FHIT: variants seen among roughly 807,000 people sequenced by gnomAD.
FHIT encodes the protein fragile histidine triad diadenosine triphosphatase.
In FHIT, 19 loss-of-function variants were observed where a neutral mutation model predicts 17.9. The observed-to-expected ratio is 1.06, with a 90% CI of 0.74 to 1.56. The LOEUF (loss-of-function observed/expected upper bound fraction) is 1.56. Among genes scored for constraint, FHIT ranks in the 40% most tolerant of loss-of-function variants. The pLI, the probability that FHIT is intolerant of heterozygous loss-of-function variation, is 0.00. For synonymous variants in FHIT, 81 were observed against 69.7 expected, an observed-to-expected ratio of 1.16 and a Z score of -0.81; for missense variants, 248 against 189.2, an observed-to-expected ratio of 1.31 and a Z score of -1.82.
At chr3:60,271,191 G>C (rs1706851573) in intron 5 of FHIT, among the ~76,000 whole-genome samples, 1 of 152,066 alleles carries the variant, frequency 6.6e-6, no homozygotes, top group Non-Finnish European at 1.5e-5. Context: ...CTTGAGCTCA[G>C]GAGTTCAAGA....
At chr3:60,439,575 T>C (rs1054483162) in intron 5 of FHIT, among the ~76,000 whole-genome samples, 5 of 150,400 alleles carry the variant, frequency 3.3e-5, no homozygotes, top group Admixed American at 3.3e-4. Context: ...CAGTCAGTGA[T>C]TCCTGGTCTC....
intron 3 of FHIT, among the ~76,000 whole-genome samples, chr3:60,849,491 C>T (rs1212295011): frequency 2.1e-5 from 3 of 140,406 alleles, no homozygotes; most frequent in Non-Finnish European, 4.6e-5. Context: ...AAAAATAAAG[C>T]CAAATATCTA....
At chr3:60,416,647 C>T (rs1339186226) in intron 5 of FHIT, among the ~76,000 whole-genome samples, 2 of 151,986 alleles carry the variant, frequency 1.3e-5, no homozygotes, top group African/African-American at 4.8e-5. Context: ...AATGTAAAAA[C>T]ATTTCTTAGC....
At chr3:60,891,071 T>A (rs1553760566) in intron 3 of FHIT, among the ~76,000 whole-genome samples, 1 of 152,162 alleles carries the variant, frequency 6.6e-6, no homozygotes, top group Non-Finnish European at 1.5e-5. Context: ...CACTATACAG[T>A]GATGTTGTGG....
chr3:59,780,122 C>T (rs1419248112), intron 8 of FHIT, among the ~76,000 whole-genome samples: 3 of 152,284 alleles, frequency 2.0e-5, no homozygotes, highest in Admixed American at 1.3e-4. Flanking sequence ...TGGATTTTCT[C>T]AGGATCCCTG....
chr3:60,089,999 G>C (rs983317033), intron 5 of FHIT, among the ~76,000 whole-genome samples: 2 of 152,134 alleles, frequency 1.3e-5, no homozygotes, highest in South Asian at 4.2e-4. Flanking sequence ...AGTGCTTACT[G>C]TGTTCCAGGC....
intron 5 of FHIT, among the ~76,000 whole-genome samples, chr3:60,196,895 CA>C (rs1244799604): frequency 6.6e-6 from 1 of 151,448 alleles, no homozygotes; most frequent in African/African-American, 2.4e-5. Flanking sequence ...TTTGTGTGGG[CA>C]AAAAGCCGTA....
intron 5 of FHIT, among the ~76,000 whole-genome samples, chr3:60,373,084 G>A (rs948082603): frequency 3.9e-5 from 6 of 152,114 alleles, no homozygotes; most frequent in Non-Finnish European, 8.8e-5. Flanking sequence ...AGACAATATT[G>A]GGTGATGGAC....
intron 5 of FHIT, among the ~76,000 whole-genome samples, chr3:60,306,208 G>A (rs781488600): frequency 2.0e-5 from 3 of 152,052 alleles, no homozygotes; most frequent in Non-Finnish European, 4.4e-5. Context: ...TCTGACTTTT[G>A]ATTAGAACTA....
intron 4 of FHIT, among the ~76,000 whole-genome samples, chr3:60,564,565 G>T (rs2037065755): frequency 6.6e-6 from 1 of 152,110 alleles, no homozygotes; most frequent in South Asian, 2.1e-4. Flanking sequence ...ATGCATGGGA[G>T]GTCAACATGA....
intron 5 of FHIT, among the ~76,000 whole-genome samples, chr3:60,525,406 A>C (rs2035535136): frequency 6.6e-6 from 1 of 152,194 alleles, no homozygotes; most frequent in Non-Finnish European, 1.5e-5. Flanking sequence ...AATTGAAGGG[A>C]TCACACCCTA....
intron 5 of FHIT, among the ~76,000 whole-genome samples, chr3:60,373,378 C>T (rs1275454877): frequency 2.0e-5 from 3 of 152,032 alleles, no homozygotes; most frequent in South Asian, 2.1e-4. Context: ...GCATCAAATG[C>T]GAAGGTTGCC....
intron 5 of FHIT, among the ~76,000 whole-genome samples, chr3:60,084,227 C>G (rs1368024573): frequency 6.6e-6 from 1 of 152,090 alleles, no homozygotes; most frequent in Non-Finnish European, 1.5e-5. Context: ...GCTTTACATT[C>G]TTTTGTAGTC....
At chr3:60,552,590 C>T (rs368834579) in intron 4 of FHIT, among the ~76,000 whole-genome samples, 1 of 152,072 alleles carries the variant, frequency 6.6e-6, no homozygotes, top group Admixed American at 6.5e-5. Context: ...CTATTCCTAA[C>T]GTATAGTGAA....
intron 5 of FHIT, among the ~76,000 whole-genome samples, chr3:60,049,744 T>C (rs1701797154): frequency 6.6e-6 from 1 of 152,340 alleles, no homozygotes; most frequent in South Asian, 2.1e-4. Context: ...ACTAAAAATC[T>C]TTAAATTACA....
At chr3:60,052,422 C>G (rs1240127081) in intron 5 of FHIT, among the ~76,000 whole-genome samples, 3 of 152,150 alleles carry the variant, frequency 2.0e-5, no homozygotes, top group African/African-American at 7.2e-5. Flanking sequence ...CTTGGTAACT[C>G]ATTCTGAGGG....
Position 59,949,068 on chromosome 3 carries a change from T to C in FHIT, c.280-26654A>G, listed in dbSNP as rs76659986. Among the ~76,000 whole-genome samples the C allele has an allele frequency of 6.2e-3, 939 of 152,256 alleles. 7 individuals carry two copies. Among genetic ancestry groups the C allele is most frequent in the African/African-American group, 0.02 (845 of 41,546 alleles). On this transcript the variant is annotated intron_variant, in intron 7 of 9. Transcript: ENST00000492590. Reference sequence around the variant, plus strand: ...CCTCTCCCTCTACTCAAGTAATCCATAGTCTATATTGTTACCATCTTTATG... The same window carrying C: ...CCTCTCCCTCTACTCAAGTAATCCACAGTCTATATTGTTACCATCTTTATG...
intron 4 of FHIT, among the ~76,000 whole-genome samples, chr3:60,767,959 TC>T (rs1247538599): frequency 2.0e-5 from 3 of 152,188 alleles, no homozygotes; most frequent in African/African-American, 7.2e-5. Flanking sequence ...ACTCTGGCTA[TC>T]CCTGTTTTAA....
At chr3:60,106,309 T>TA (rs950000743) in intron 5 of FHIT, among the ~76,000 whole-genome samples, 29 of 152,130 alleles carry the variant, frequency 1.9e-4, no homozygotes, top group Non-Finnish European at 2.9e-4. Context: ...CCTGATTTAG[T>TA]AAAGAGAAGT....
Sources: allele counts gnomAD v4.1 joint callset (sites outside exome capture counted in the v4.1 genomes callset), GRCh38; gene constraint gnomAD v4.1.1; transcripts MANE v1.5; gene names NCBI Gene and HGNC (gene_info 2026-07-23, HGNC 2026-07-21).